TMPRSS11A: variants seen among roughly 807,000 people sequenced by gnomAD.
TMPRSS11A encodes transmembrane protease serine 11A.
A neutral mutation model predicts 58.9 loss-of-function variants in TMPRSS11A; 53 were observed. The ratio of observed to expected loss-of-function variants is 0.90; its 90% CI spans 0.72 to 1.13. The LOEUF (loss-of-function observed/expected upper bound fraction) is 1.13. Ranked by LOEUF, TMPRSS11A falls within the 50% of genes most tolerant of loss-of-function variation. TMPRSS11A has a pLI of 0.00. For synonymous variants in TMPRSS11A, 167 were observed against 169.8 expected, an observed-to-expected ratio of 0.98 and a Z score of 0.13; for missense variants, 493 against 499.3, an observed-to-expected ratio of 0.99 and a Z score of 0.12.
At chr4:67,935,397 A>G (rs143166466) in intron 3 of TMPRSS11A, among the ~76,000 whole-genome samples, 67 of 152,306 alleles carry the variant, frequency 4.4e-4, no homozygotes, top group African/African-American at 1.5e-3. Flanking sequence ...TTCAAGGCCA[A>G]TCTCAGATAA....
At chr4:67,957,177 C>T (rs574888561) in intron 1 of TMPRSS11A, among the ~76,000 whole-genome samples, 1 of 152,224 alleles carries the variant, frequency 6.6e-6, no homozygotes, top group Non-Finnish European at 1.5e-5. Flanking sequence ...TGAAAACGGA[C>T]TAATACAGTA....
At chr4:67,950,506 A>C (rs1041247846) in intron 1 of TMPRSS11A, among the ~76,000 whole-genome samples, 29 of 152,214 alleles carry the variant, frequency 1.9e-4, no homozygotes, top group African/African-American at 7.0e-4. Flanking sequence ...CTTCAAGCCA[A>C]TTGATTCGGG....
At chr4:67,945,954 C>T (rs1720992929) in intron 2 of TMPRSS11A, among the ~76,000 whole-genome samples, 3 of 151,834 alleles carry the variant, frequency 2.0e-5, no homozygotes, top group South Asian at 4.2e-4. Flanking sequence ...TTGTGTCATA[C>T]GTATAGGTTT....
In TMPRSS11A at chr4:67,909,449, A is replaced by C. The variant is rs927778087; in HGVS notation, c.*1893T>G. On this transcript the variant is annotated 3_prime_UTR_variant, in exon 10 of 10. Coordinates refer to ENST00000508048, the MANE Select transcript of TMPRSS11A (RefSeq NM_001114387.2). ...AAATGACATATCAATATCTGCTTAC[A>C]TGTGACCCAAAATGAAATGCTGCAC... The C allele has an allele frequency of 6.6e-6, 1 of 152,172 alleles. No homozygotes were observed. The highest frequency in any genetic ancestry group is 1.5e-5 in the Non-Finnish European group (1 of 67,978). The allele number at this position is 152,172 out of a possible 1,614,324, so 9.4% of individuals were successfully genotyped here. A position where few individuals can be genotyped will look rare whatever the true frequency, so the allele number is the denominator to read the frequency against.
chr4:67,931,265 T>C (rs1375700481), intron 4 of TMPRSS11A, among the ~76,000 whole-genome samples: 1 of 152,160 alleles, frequency 6.6e-6, no homozygotes, highest in East Asian at 1.9e-4. Flanking sequence ...TGAGTACACC[T>C]GCCAACAAAG....
chr4:67,949,964 C>T (rs544135875), intron 1 of TMPRSS11A, among the ~76,000 whole-genome samples: 2 of 152,318 alleles, frequency 1.3e-5, no homozygotes, highest in African/African-American at 4.8e-5. Context: ...CTTTTGGGAT[C>T]TAACCTTTTT....
At position 67,910,588 on chromosome 4, in the gene TMPRSS11A, C is replaced by A. The variant is rs1045825401; in HGVS notation, c.*754G>T. 1.3e-5 allele frequency: 2 copies of A among 152,064 alleles called. No individual in the cohort carries two copies. Among genetic ancestry groups the A allele is most frequent in the Non-Finnish European group, 2.9e-5 (2 of 67,910 alleles). 9.4% of individuals were successfully genotyped at this position (152,064 alleles called of 1,614,324 possible). On this transcript the variant is annotated 3_prime_UTR_variant, in exon 10 of 10. Transcript: ENST00000508048. ...TAATGAAATTACCATCACCTTCTCCCAAATTTTTAACAAATATATAGTTTT... is the reference window on the plus strand; with the variant it reads ...TAATGAAATTACCATCACCTTCTCCAAAATTTTTAACAAATATATAGTTTT...
At chr4:67,956,741 A>G (rs994483487) in intron 1 of TMPRSS11A, among the ~76,000 whole-genome samples, 4 of 152,358 alleles carry the variant, frequency 2.6e-5, no homozygotes, top group African/African-American at 9.6e-5. Flanking sequence ...AAATTCTTAC[A>G]AACTAGGCTT....
At chr4:67,912,776 T>A (rs72643689) in intron 9 of TMPRSS11A, among the ~76,000 whole-genome samples, 16,980 of 152,196 alleles carry the variant, frequency 0.11, 1,142 homozygotes, top group East Asian at 0.2. Flanking sequence ...TGATGGTATG[T>A]CTTGGAAAGA....
At chr4:67,959,526 A>G (rs1455683334) in intron 1 of TMPRSS11A, among the ~76,000 whole-genome samples, 1 of 152,232 alleles carries the variant, frequency 6.6e-6, no homozygotes, top group East Asian at 1.9e-4. Flanking sequence ...CCCCATTAAA[A>G]GTGGGCAAAA....
intron 3 of TMPRSS11A, among the ~76,000 whole-genome samples, chr4:67,932,382 A>G (rs1720650413): frequency 6.6e-6 from 1 of 152,172 alleles, no homozygotes; most frequent in African/African-American, 2.4e-5. Context: ...CTAAAACACC[A>G]TAGAAGGAGT....
chr4:67,953,411 T>C (rs969598910), intron 1 of TMPRSS11A, among the ~76,000 whole-genome samples: 1 of 152,190 alleles, frequency 6.6e-6, no homozygotes, highest in East Asian at 1.9e-4. Context: ...ACCTAGCTCT[T>C]ACAGACTTGA....
In TMPRSS11A at chr4:67,929,678, C is replaced by T. The variant is rs578206227; in HGVS notation, c.481+202G>A. Among the ~76,000 whole-genome samples the T allele has an allele frequency of 1.5e-4, 23 of 152,290 alleles. 1 individual carries two copies. The highest frequency in any genetic ancestry group is 5.2e-4 in the Admixed American group (8 of 15,294). The stretch of plus-strand genomic sequence containing the variant: ...GGGATGAGTGCCAATCAATTACTGT[C>T]GGGAAAACCACTGGATGACTAACTT... On this transcript the variant is annotated intron_variant, in intron 5 of 9. Coordinates refer to ENST00000508048, the MANE Select transcript of TMPRSS11A (RefSeq NM_001114387.2).
At chr4:67,940,265 A>C (rs901625811) in intron 3 of TMPRSS11A, among the ~76,000 whole-genome samples, 1 of 152,236 alleles carries the variant, frequency 6.6e-6, no homozygotes, top group South Asian at 2.1e-4. Flanking sequence ...ATTTAGGAAG[A>C]AGTCTCTTCT....
chr4:67,933,817 G>A (rs1489806597), intron 3 of TMPRSS11A, among the ~76,000 whole-genome samples: 1 of 152,070 alleles, frequency 6.6e-6, no homozygotes, highest in Non-Finnish European at 1.5e-5. Context: ...CAATTTAGAA[G>A]GAAAAAAGCA....
At position 67,914,584 on chromosome 4, in the gene TMPRSS11A, T is replaced by C; in HGVS notation, c.1095+4A>G. The C allele has an allele frequency of 6.2e-7, 1 of 1,612,766 alleles. No homozygotes were observed. The highest frequency in any genetic ancestry group is 8.5e-7 in the Non-Finnish European group (1 of 1,179,454). On this transcript the variant is annotated splice_donor_region_variant and intron_variant, in intron 9 of 9. Coordinates refer to ENST00000508048, the MANE Select transcript of TMPRSS11A (RefSeq NM_001114387.2). ...AGTAATATAAAAAAATCCCTCCAAC[T>C]TACCCTGCAGGCATCATAAATTCCT... is the stretch of plus-strand genomic sequence containing the variant.
In TMPRSS11A at chr4:67,919,132, G is replaced by T; in HGVS notation, c.793C>A (p.Arg265Ser). ...VRRFIIHEKY[R>S]SAAREYDIAV... ...ATGTCGTACTCTCTTGCTGCAGAGCGGTACTTCTCATGGATAATAAATCTT... is the reference window on the plus strand; with the variant it reads ...ATGTCGTACTCTCTTGCTGCAGAGCTGTACTTCTCATGGATAATAAATCTT... Residue 265 changes from arginine (R) to serine (S), a missense_variant, in exon 8 of 10, where the codon CGC becomes AGC. Transcript: ENST00000508048. 1 of 1,614,120 alleles carries T rather than the reference G, an allele frequency of 6.2e-7. No individual in the cohort carries two copies. Among genetic ancestry groups the T allele is most frequent in the Non-Finnish European group, 8.5e-7 (1 of 1,180,016 alleles).
Position 67,945,670 on chromosome 4 carries a change from T to C in TMPRSS11A, c.133+780A>G, listed in dbSNP as rs368305809. ...TCCAAGTAGAGTCTTTGCTCCCCCA[T>C]TGACTCTGTGAAGGTGACAGCAGAT... On this transcript the variant is annotated intron_variant, in intron 2 of 9. Transcript: ENST00000508048. Among the ~76,000 whole-genome samples, 74 of 152,292 alleles carry C rather than the reference T, an allele frequency of 4.9e-4. 1 individual carries two copies. In the South Asian group the frequency reaches 0.013, roughly 26 times the overall value.
intron 3 of TMPRSS11A, among the ~76,000 whole-genome samples, chr4:67,937,370 G>A (rs973966366): frequency 3.3e-5 from 5 of 152,122 alleles, no homozygotes; most frequent in Non-Finnish European, 7.4e-5. Context: ...AAATGAGAAA[G>A]AGAATATTTT....
Sources: gnomAD v4.1 joint callset for allele counts (sites outside exome capture counted in the v4.1 genomes callset) on GRCh38, gnomAD v4.1.1 for gene constraint, MANE v1.5 for transcripts, NCBI Gene and HGNC (gene_info 2026-07-23, HGNC 2026-07-21) for gene names.